Variants in KCTD16 observed in about 807,000 individuals in gnomAD.
KCTD16 encodes the protein BTB/POZ domain-containing protein KCTD16.
In KCTD16, 13 loss-of-function variants were observed where a neutral mutation model predicts 33.2. The observed-to-expected ratio is 0.39, with a 90% confidence interval of 0.25 to 0.62. The LOEUF is 0.62. Ranked by LOEUF, KCTD16 falls within the 20% of genes least tolerant of loss-of-function variation. The pLI, the probability that KCTD16 is intolerant of heterozygous loss-of-function variation, is 0.50. For synonymous variants in KCTD16, 197 were observed against 195.3 expected (o/e 1.01, Z -0.07); for missense variants, 441 against 525.1 (o/e 0.84, Z 1.57).
chr5:144,438,929 G>A lies in KCTD16; in HGVS notation c.833-34731G>A, dbSNP rs568811761. On this transcript the variant is annotated intron_variant, in intron 3 of 3. Coordinates refer to ENST00000512467, the MANE Select transcript of KCTD16 (RefSeq NM_020768.4). ...TACCTCTTCCTCACTCTCCTTATTC[G>A]GTTAGACACCAAATTCTATTAATTT... Among the ~76,000 whole-genome samples the A allele has an allele frequency of 2.0e-4, 30 of 152,088 alleles. No individual in the cohort carries two copies. The South Asian group carries it at 5.8e-3, about 29-fold the overall frequency.
At chr5:144,230,148 C>A (rs1248360373) in intron 3 of KCTD16, among the ~76,000 whole-genome samples, 2 of 152,066 alleles carry the variant, frequency 1.3e-5, no homozygotes, top group African/African-American at 4.8e-5. Context: ...CTTCAAAAAA[C>A]AAAACAAAAC....
At chr5:144,276,977 A>C (rs1331585090) in intron 3 of KCTD16, among the ~76,000 whole-genome samples, 1 of 152,190 alleles carries the variant, frequency 6.6e-6, no homozygotes, top group African/African-American at 2.4e-5. Flanking sequence ...TTATAACATA[A>C]TGACAGTCAT....
Position 144,197,017 on chromosome 5 carries a change from GGTATGTGT to G in KCTD16, c.-326-9369_-326-9362del, listed in dbSNP as rs1752952078. Among the ~76,000 whole-genome samples the G allele has an allele frequency of 2.6e-5, 4 of 152,128 alleles. No homozygotes were observed. In the South Asian group the frequency reaches 8.3e-4, roughly 31 times the overall value. On this transcript the variant is annotated intron_variant, in intron 2 of 3. Transcript: ENST00000512467. Reference sequence around the variant, plus strand: ...CTTTGGCCCTTTAAATCTTGTGCCCGGTATGTGTGTCTATGTAGGTCAATCATTATCAG... The same window carrying G: ...CTTTGGCCCTTTAAATCTTGTGCCCGGTCTATGTAGGTCAATCATTATCAG...
chr5:144,347,741 A>G (rs1055557114), intron 3 of KCTD16, among the ~76,000 whole-genome samples: 1 of 152,218 alleles, frequency 6.6e-6, no homozygotes, highest in Admixed American at 6.5e-5. Context: ...ATGCGCTGAC[A>G]GCTGTCCCTT....
intron 3 of KCTD16, among the ~76,000 whole-genome samples, chr5:144,427,738 A>G (rs1489957552): frequency 6.6e-6 from 1 of 152,126 alleles, no homozygotes; most frequent in Non-Finnish European, 1.5e-5. Context: ...GCCAAGATTG[A>G]GAATAACTGT....
At chr5:144,299,123 TA>T (rs1756157887) in intron 3 of KCTD16, among the ~76,000 whole-genome samples, 10 of 22,322 alleles carry the variant, frequency 4.5e-4, no homozygotes, top group Non-Finnish European at 6.4e-4. Context: ...TATATATATA[TA>T]TATATATATA....
intron 3 of KCTD16, among the ~76,000 whole-genome samples, chr5:144,403,439 G>A (rs1056930339): frequency 6.6e-6 from 1 of 152,080 alleles, no homozygotes; most frequent in African/African-American, 2.4e-5. Context: ...GACACACAGA[G>A]AGCAGCATGT....
At chr5:144,417,012 T>C (rs988819488) in intron 3 of KCTD16, among the ~76,000 whole-genome samples, 6 of 152,222 alleles carry the variant, frequency 3.9e-5, no homozygotes, top group Non-Finnish European at 8.8e-5. Flanking sequence ...AACTTGTTTG[T>C]CCATTTATTC....
At chr5:144,257,044 T>A (rs1754867529) in intron 3 of KCTD16, among the ~76,000 whole-genome samples, 2 of 152,230 alleles carry the variant, frequency 1.3e-5, no homozygotes, top group South Asian at 4.1e-4. Flanking sequence ...TATATCATAA[T>A]CACCAAGATA....
intron 3 of KCTD16, among the ~76,000 whole-genome samples, chr5:144,449,409 C>T (rs576448514): frequency 6.6e-6 from 1 of 151,792 alleles, no homozygotes; most frequent in Non-Finnish European, 1.5e-5. Context: ...TACTAAAATC[C>T]ATATTAACCC....
chr5:144,219,405 G>C (rs1196819559), intron 3 of KCTD16, among the ~76,000 whole-genome samples: 1 of 151,506 alleles, frequency 6.6e-6, no homozygotes, highest in Admixed American at 6.6e-5. Context: ...GTAGAGACAG[G>C]GTTTTGCCAT....
In KCTD16 at chr5:144,257,565, T is replaced by G. The variant is rs538711921; in HGVS notation, c.832+50019T>G. ...GTGCAGTGACGTGATCTCGGCTCCC[T>G]GCAAGCTCCGCCTCCTGGGTTCACG... On this transcript the variant is annotated intron_variant, in intron 3 of 3. Coordinates refer to ENST00000512467, the MANE Select transcript of KCTD16 (RefSeq NM_020768.4). 3.3e-5 allele frequency among the ~76,000 whole-genome samples: 5 copies of G among 152,190 alleles called. No homozygotes were observed. In the South Asian group the frequency reaches 8.3e-4, roughly 25 times the overall value.
At chr5:144,440,388 T>C (rs943759869) in intron 3 of KCTD16, among the ~76,000 whole-genome samples, 1 of 152,184 alleles carries the variant, frequency 6.6e-6, no homozygotes, top group Non-Finnish European at 1.5e-5. Flanking sequence ...GTTTTACTTT[T>C]TGATGAACTG....
At chr5:144,345,870 T>C (rs1752785801) in intron 3 of KCTD16, among the ~76,000 whole-genome samples, 1 of 151,572 alleles carries the variant, frequency 6.6e-6, no homozygotes. Context: ...TTATACTCTT[T>C]AAGTTATTTA....
Position 144,326,690 on chromosome 5 carries a change from C to CA in KCTD16, c.832+119154dup, listed in dbSNP as rs541424191. Among the ~76,000 whole-genome samples, 919 of 131,860 alleles carry CA rather than the reference C, an allele frequency of 7.0e-3. 4 individuals carry two copies. The highest frequency in any genetic ancestry group is 0.011 in the East Asian group (51 of 4,642). 86.5% of individuals were successfully genotyped at this position (131,860 alleles called of 152,430 possible). ...AGTTGAAAGATCAGTTTGTAATTCA[C>CA]AAAAAAAAAAGAAAGAAAAGAGAAG... On this transcript the variant is annotated intron_variant, in intron 3 of 3. Transcript: ENST00000512467.
chr5:144,357,704 A>T (rs2126913134), intron 3 of KCTD16, among the ~76,000 whole-genome samples: 1 of 152,324 alleles, frequency 6.6e-6, no homozygotes, highest in Admixed American at 6.5e-5. Flanking sequence ...AATAGGCAGG[A>T]GTTTGCTAGG....
At chr5:144,234,671 C>T (rs991884136) in intron 3 of KCTD16, among the ~76,000 whole-genome samples, 3 of 152,040 alleles carry the variant, frequency 2.0e-5, no homozygotes, top group Non-Finnish European at 4.4e-5. Flanking sequence ...TAAATTTTCC[C>T]ACCCCATCTG....
intron 3 of KCTD16, among the ~76,000 whole-genome samples, chr5:144,337,304 T>C (rs1752514904): frequency 6.6e-6 from 1 of 152,128 alleles, no homozygotes; most frequent in South Asian, 2.1e-4. Context: ...ATAATAATTA[T>C]CATGTTGTTT....
chr5:144,234,749 G>A (rs1754201785), intron 3 of KCTD16, among the ~76,000 whole-genome samples: 1 of 152,054 alleles, frequency 6.6e-6, no homozygotes, highest in Non-Finnish European at 1.5e-5. Flanking sequence ...AGCATTGTAT[G>A]AAAGAGTTGT....
Sources: gnomAD v4.1 joint callset for allele counts (sites outside exome capture counted in the v4.1 genomes callset) on GRCh38, gnomAD v4.1.1 for gene constraint, MANE v1.5 for transcripts, NCBI Gene and HGNC (gene_info 2026-07-23, HGNC 2026-07-21) for gene names.